The following RIIAD1 variants were observed in gnomAD, a reference collection of about 807,000 sequenced individuals.
RIIAD1 encodes the protein RIIa domain-containing protein 1.
A neutral mutation model predicts 13.3 loss-of-function variants in RIIAD1; 15 were observed. That is an observed-to-expected ratio of 1.13 (90% CI 0.76 to 1.74). The LOEUF is 1.74. Among genes scored for constraint, RIIAD1 ranks in the 40% most tolerant of loss-of-function variants. The pLI is 0.00. For synonymous variants in RIIAD1, 50 were observed against 43.3 expected, an observed-to-expected ratio of 1.16 and a Z score of -0.61; for missense variants, 121 against 112.2, an observed-to-expected ratio of 1.08 and a Z score of -0.35.
In RIIAD1 at chr1:151,716,026, C is replaced by T. The variant is rs574081772; in HGVS notation, c.21+1497C>T. On this transcript the variant is annotated intron_variant, in intron 4 of 8. Transcript: ENST00000326413. ...ATGGCATCCGGCTCCTTCATTGAGG[C>T]GGCCCAGGAGGAGGGGCCGAGGGGA... 1.6e-5 allele frequency: 26 copies of T among 1,608,186 alleles called. 1 individual carries two copies. The highest frequency in any genetic ancestry group is 6.7e-5 in the South Asian group (6 of 89,826).
At chr1:151,728,543 G>A in intron 3 of RIIAD1, 1 of 525,028 alleles carries the variant, frequency 1.9e-6, no homozygotes, top group South Asian at 2.4e-5. Context: ...CCAGCCTCTG[G>A]GAGCCCTTCC....
At chr1:151,720,731 G>C (rs942062205), upstream of RIIAD1, among the ~76,000 whole-genome samples, 2 of 152,202 alleles carry the variant, frequency 1.3e-5, no homozygotes, top group Non-Finnish European at 2.9e-5. Context: ...CACGATCTCT[G>C]TGGGGGTAGG....
At chr1:151,728,461 A>ACGGTG in intron 3 of RIIAD1, 1 of 375,874 alleles carries the variant, frequency 2.7e-6, no homozygotes, top group Non-Finnish European at 4.7e-6. Flanking sequence ...GGAGGAGCAA[A>ACGGTG]CGGTGCGACT....
chr1:151,722,045 C>T (rs1473940519), intron 1 of RIIAD1, 41 bp from the exon 2 acceptor site: 1 of 1,396,654 alleles, frequency 7.2e-7, no homozygotes, highest in Admixed American at 2.0e-5. Flanking sequence ...AACCCTGAAT[C>T]TGTCTCCTAA....
intron 4 of RIIAD1, chr1:151,715,717 G>T: frequency 6.4e-7 from 1 of 1,565,360 alleles, no homozygotes; most frequent in East Asian, 2.3e-5. Flanking sequence ...GATCACTCTA[G>T]CTGAGTTCTT....
At chr1:151,721,680 G>A in intron 1 of RIIAD1, 60 bp downstream of exon 1, 1 of 1,074,238 alleles carries the variant, frequency 9.3e-7, no homozygotes, top group Non-Finnish European at 1.2e-6. Context: ...CAGGACTGGG[G>A]CCCCAGACTG....
intron 2 of RIIAD1, among the ~76,000 whole-genome samples, chr1:151,712,925 GCA>G (rs759074184): frequency 1.1e-4 from 17 of 152,102 alleles, no homozygotes; most frequent in African/African-American, 3.4e-4. Context: ...ACTCATGCAT[GCA>G]CACACACACT....
intron 3 of RIIAD1, 133 bp from the exon 4 acceptor site, chr1:151,728,633 G>A (rs1647232688): frequency 7.6e-6 from 5 of 661,828 alleles, no homozygotes; most frequent in South Asian, 6.6e-5. Context: ...ACATTGTAAA[G>A]CAGGGCCACC....
chr1:151,716,112 G>A lies in RIIAD1; in HGVS notation c.21+1583G>A, dbSNP rs920427246. On this transcript the variant is annotated intron_variant, in intron 4 of 8. Transcript: ENST00000326413. ...AGCAAGGAGATAAGTGGTGGGGCCCGGGGGCCCAGCTGGGGCTGGCTTTCC... is the reference window on the plus strand; with the variant it reads ...AGCAAGGAGATAAGTGGTGGGGCCCAGGGGCCCAGCTGGGGCTGGCTTTCC... 8.9e-6 allele frequency: 12 copies of A among 1,343,560 alleles called. No homozygotes were observed. In the African/African-American group the frequency reaches 1.0e-4, roughly 11 times the overall value. 83.2% of individuals were successfully genotyped at this position (1,343,560 alleles called of 1,614,324 possible).
intron 2 of RIIAD1, among the ~76,000 whole-genome samples, chr1:151,712,719 C>A (rs1418597211): frequency 1.3e-5 from 2 of 152,224 alleles, no homozygotes; most frequent in Non-Finnish European, 2.9e-5. Flanking sequence ...TTTCCCTCTG[C>A]AGCCCAAAAT....
At chr1:151,728,470 C>A (rs1370742446) in intron 3 of RIIAD1, 4 of 381,318 alleles carry the variant, frequency 1.0e-5, no homozygotes, top group Non-Finnish European at 1.3e-5. Context: ...AACGGTGCGA[C>A]TCGGGGTAGG....
intron 2 of RIIAD1, among the ~76,000 whole-genome samples, chr1:151,713,221 G>A (rs990566414): frequency 6.6e-6 from 1 of 152,120 alleles, no homozygotes; most frequent in African/African-American, 2.4e-5. Context: ...TTAACCAGGC[G>A]CCCTTCTTCC....
chr1:151,720,550 TCA>T (rs1194419557), upstream of RIIAD1, among the ~76,000 whole-genome samples: 1 of 152,260 alleles, frequency 6.6e-6, no homozygotes, highest in Non-Finnish European at 1.5e-5. Context: ...CTTCTTTTCC[TCA>T]GTCTTTGCTG....
chr1:151,727,464 C>CA, intron 2 of RIIAD1, 111 bp from the exon 3 acceptor site: 1 of 750,926 alleles, frequency 1.3e-6, no homozygotes, highest in Non-Finnish European at 2.4e-6. Context: ...TATTGACTCC[C>CA]AAGATGGTTG....
In RIIAD1 at chr1:151,727,593, A is replaced by C; in HGVS notation, c.180A>C (p.Arg60Ser). ...TTTCCAGAGAAATATTTTTGAAAAG[A>C]CCAGACAACATCCTAGAATTTGCTG... ...SGFFREIFLK[R>S]PDNILEFAAD... The change falls in exon 3 of 5, where the codon AGA becomes AGC. Residue 60 changes from arginine to serine, a missense_variant. By Grantham distance (110) the Arg-to-Ser change is moderately radical. Coordinates refer to ENST00000479191, the MANE Select transcript of RIIAD1 (RefSeq NM_001144956.3). 1 of 1,550,412 alleles carries C rather than the reference A, an allele frequency of 6.4e-7. No homozygotes were observed. Among genetic ancestry groups the C allele is most frequent in the Non-Finnish European group, 8.7e-7 (1 of 1,145,898 alleles).
At position 151,722,145 on chromosome 1, in the gene RIIAD1, C is replaced by T. The variant is rs1673749562; in HGVS notation, c.144C>T (p.Leu48=). ...YLRTHKEVEW[L]ISGFFREIFL... ...GGACCCACAAAGAAGTAGAGTGGCT[C>T]ATAAGTGGTTTCTTCAGGTAGGTGG... The change falls in exon 2 of 5, where the codon CTC becomes CTT. Residue 48 remains leucine (L), a synonymous_variant. Coordinates refer to ENST00000479191, the MANE Select transcript of RIIAD1 (RefSeq NM_001144956.3). 5.2e-6 allele frequency: 8 copies of T among 1,550,740 alleles called. No homozygotes were observed. The highest frequency in any genetic ancestry group is 7.0e-6 in the Non-Finnish European group (8 of 1,146,178).
chr1:151,723,779 A>G (rs1173600414), intron 2 of RIIAD1, among the ~76,000 whole-genome samples: 1 of 152,212 alleles, frequency 6.6e-6, no homozygotes, highest in African/African-American at 2.4e-5. Context: ...GAGGGCAGAT[A>G]GGGGAAGGAA....
In RIIAD1 at chr1:151,725,011, C is replaced by T. The variant is rs190077808; in HGVS notation, c.162-2564C>T. 3.6e-3 allele frequency among the ~76,000 whole-genome samples: 543 copies of T among 150,476 alleles called. 13 individuals are homozygous for T. The highest frequency in any genetic ancestry group is 0.033 in the Admixed American group (495 of 15,118). The stretch of plus-strand genomic sequence containing the variant: ...TTTTAGTAGAGACGGGGTTTCACTG[C>T]GTTAGCCAGGATGGTCTTGATCTCC... On this transcript the variant is annotated intron_variant, in intron 2 of 4. Transcript: ENST00000479191.
chr1:151,728,514 C>A, intron 3 of RIIAD1: 1 of 444,066 alleles, frequency 2.3e-6, no homozygotes, highest in Non-Finnish European at 4.0e-6. Context: ...GGGCCAGGCA[C>A]AGCGTGGAGG....
Sources: allele counts gnomAD v4.1 joint callset (sites outside exome capture counted in the v4.1 genomes callset), GRCh38; gene constraint gnomAD v4.1.1; transcripts MANE v1.5; gene names NCBI Gene and HGNC (gene_info 2026-07-23, HGNC 2026-07-21).